AFAP1: variants seen among roughly 807,000 people sequenced by gnomAD.
The protein encoded by AFAP1 is actin filament associated protein 1.
AFAP1 carries 75 observed loss-of-function variants against 93.9 expected under a neutral mutation model. That is an observed-to-expected ratio of 0.80 (90% confidence interval 0.66 to 0.97). AFAP1 has a LOEUF of 0.97. Ranked by LOEUF, AFAP1 falls within the 50% of genes least tolerant of loss-of-function variation. AFAP1 has a pLI of 0.00. For synonymous variants in AFAP1, 517 were observed against 430.7 expected, an observed-to-expected ratio of 1.20 and a Z score of -2.48; for missense variants, 1,201 against 1,050.8, an observed-to-expected ratio of 1.14 and a Z score of -1.98.
At chr4:7,885,447 G>A (rs534226793) in intron 1 of AFAP1, among the ~76,000 whole-genome samples, 51 of 152,174 alleles carry the variant, frequency 3.4e-4, no homozygotes, top group African/African-American at 1.1e-3. Context: ...ACTCAGCTGC[G>A]TCTCCCCCGC....
At chr4:7,821,843 C>T (rs903823087) in intron 6 of AFAP1, among the ~76,000 whole-genome samples, 2 of 152,148 alleles carry the variant, frequency 1.3e-5, no homozygotes, top group African/African-American at 2.4e-5. Context: ...TTTTGCTCCT[C>T]AGCTGTTTTA....
intron 10 of AFAP1, among the ~76,000 whole-genome samples, chr4:7,795,941 T>G (rs1373776495): frequency 1.3e-5 from 2 of 152,170 alleles, no homozygotes; most frequent in African/African-American, 4.8e-5. Flanking sequence ...TCTCACAGCT[T>G]TTAATACATA....
At chr4:7,806,512 G>A (rs866717374) in intron 9 of AFAP1, among the ~76,000 whole-genome samples, 4 of 152,110 alleles carry the variant, frequency 2.6e-5, no homozygotes, top group East Asian at 1.9e-4. Flanking sequence ...CTGCACTTCC[G>A]GCCAGTCCAG....
intron 4 of AFAP1, among the ~76,000 whole-genome samples, chr4:7,846,968 T>A (rs760201499): frequency 6.6e-6 from 1 of 152,232 alleles, no homozygotes; most frequent in Non-Finnish European, 1.5e-5. Flanking sequence ...TAGTAGCCCT[T>A]TCATCCTTGG....
chr4:7,819,175 T>TA lies in AFAP1; in HGVS notation c.727-5dup, dbSNP rs1235094510. ...CACTGTAGGCTTCTTTGATCACCTA[T>TA]AAAAAGCACAGACACTTTGTGAGTA... On this transcript the variant is annotated splice_region_variant and splice_polypyrimidine_tract_variant and intron_variant, in intron 6 of 17. Coordinates refer to ENST00000420658, the MANE Select transcript of AFAP1 (RefSeq NM_001134647.2). The TA allele has an allele frequency of 3.1e-6, 5 of 1,607,012 alleles. No individual in the cohort carries two copies. Among genetic ancestry groups the TA allele is most frequent in the Middle Eastern group, 1.7e-4 (1 of 6,024 alleles).
chr4:7,869,215 A>G (rs540975375), intron 2 of AFAP1, among the ~76,000 whole-genome samples: 2 of 149,846 alleles, frequency 1.3e-5, no homozygotes, highest in African/African-American at 4.9e-5. Context: ...GGAGGGATGG[A>G]TGGAGGGAAG....
At chr4:7,913,064 G>C (rs531071832) in intron 1 of AFAP1, among the ~76,000 whole-genome samples, 4 of 152,068 alleles carry the variant, frequency 2.6e-5, no homozygotes, top group Non-Finnish European at 5.9e-5. Flanking sequence ...TATCCAGGCT[G>C]GTCTGCAACT....
intron 1 of AFAP1, among the ~76,000 whole-genome samples, chr4:7,884,838 A>C (rs1216684040): frequency 6.6e-6 from 1 of 152,216 alleles, no homozygotes; most frequent in Non-Finnish European, 1.5e-5. Flanking sequence ...TGTGCCTACA[A>C]AAAGTATGAG....
chr4:7,854,071 G>C (rs1257436460), intron 4 of AFAP1, among the ~76,000 whole-genome samples: 2 of 152,206 alleles, frequency 1.3e-5, no homozygotes, highest in Non-Finnish European at 2.9e-5. Context: ...GGAAGGGCCA[G>C]AGACAAACGT....
chr4:7,932,326 G>A (rs1025620176), intron 1 of AFAP1, among the ~76,000 whole-genome samples: 2 of 152,166 alleles, frequency 1.3e-5, no homozygotes, highest in East Asian at 1.9e-4. Flanking sequence ...TTGACCACAG[G>A]ATGCACCTAA....
intron 16 of AFAP1, among the ~76,000 whole-genome samples, chr4:7,771,351 T>TAC (rs915303212): frequency 3.7e-4 from 56 of 151,916 alleles, no homozygotes; most frequent in African/African-American, 1.1e-3. Context: ...TGTGTGTATG[T>TAC]ACACACACAC....
intron 6 of AFAP1, among the ~76,000 whole-genome samples, chr4:7,821,701 CCA>C (rs1720988079): frequency 6.6e-6 from 1 of 152,210 alleles, no homozygotes. Context: ...AAAAGAAACA[CCA>C]AAGTCCCAGA....
intron 1 of AFAP1, among the ~76,000 whole-genome samples, chr4:7,919,896 T>C (rs1472599561): frequency 6.6e-6 from 1 of 152,012 alleles, no homozygotes; most frequent in Non-Finnish European, 1.5e-5. Context: ...ACACATGGTG[T>C]TTGGTTTTCC....
intron 13 of AFAP1, among the ~76,000 whole-genome samples, chr4:7,780,707 T>C (rs16841209): frequency 0.14 from 20,683 of 151,904 alleles, 1,562 homozygotes; most frequent in East Asian, 0.22. Flanking sequence ...CTGTTTGCCA[T>C]AGATACAGGG....
chr4:7,893,874 T>C (rs1462547502), intron 1 of AFAP1, among the ~76,000 whole-genome samples: 1 of 152,116 alleles, frequency 6.6e-6, no homozygotes, highest in African/African-American at 2.4e-5. Context: ...GTTTCCAGTG[T>C]AGAAGGGAAC....
chr4:7,778,529 C>T (rs1716391703), intron 14 of AFAP1: 12 of 579,956 alleles, frequency 2.1e-5, no homozygotes, highest in Admixed American at 3.0e-5. Context: ...AATGCTGAGT[C>T]GATCCCACAG....
At chr4:7,912,604 T>C (rs1384533648) in intron 1 of AFAP1, among the ~76,000 whole-genome samples, 12 of 152,262 alleles carry the variant, frequency 7.9e-5, no homozygotes, top group Non-Finnish European at 1.8e-4. Context: ...TTCATGTCTT[T>C]TACTCATTTT....
Position 7,838,526 on chromosome 4 carries a change from T to G in AFAP1, c.724A>C (p.Lys242Gln). 3.1e-6 allele frequency: 5 copies of G among 1,612,368 alleles called. No individual in the cohort carries two copies. Among genetic ancestry groups the G allele is most frequent in the Non-Finnish European group, 4.2e-6 (5 of 1,178,960 alleles). Reference sequence around the variant, plus strand: ...GTGAAACACAGCAGACAACCTACCTTCAGCCACTGCTCGGCCTGTTCCTTG... The same window carrying G: ...GTGAAACACAGCAGACAACCTACCTGCAGCCACTGCTCGGCCTGTTCCTTG... ...QSKEQAEQWLKVIKEAYSGCS... is the reference protein window; with the variant it reads ...QSKEQAEQWLQVIKEAYSGCS... The change falls in exon 6 of 18, where the codon AAG (lysine) becomes CAG (glutamine). Residue 242 changes from lysine (K) to glutamine (Q), a missense_variant and splice_region_variant. Lys to Gln is a moderately conservative substitution (Grantham distance 53). Transcript: ENST00000420658.
chr4:7,844,325 C>G (rs1374616113), intron 4 of AFAP1, among the ~76,000 whole-genome samples: 1 of 152,062 alleles, frequency 6.6e-6, no homozygotes, highest in Non-Finnish European at 1.5e-5. Context: ...CATGTGAGGA[C>G]ACAGTGAGGA....
Sources: gnomAD v4.1 joint callset for allele counts (sites outside exome capture counted in the v4.1 genomes callset) on GRCh38, gnomAD v4.1.1 for gene constraint, MANE v1.5 for transcripts, NCBI Gene and HGNC (gene_info 2026-07-23, HGNC 2026-07-21) for gene names.